GARIN5B: variants seen among roughly 807,000 people sequenced by gnomAD.
GARIN5B encodes Golgi-associated RAB2 interactor protein 5B.
the GARIN5B span, chr19:55,359,400 G>T: frequency 6.5e-7 from 1 of 1,549,986 alleles, no homozygotes; most frequent in Non-Finnish European, 8.7e-7. Flanking sequence ...GAGGCCTTTC[G>T]GGGAGAAGCT....
chr19:55,362,554 C>T, the GARIN5B span: 2 of 1,528,200 alleles, frequency 1.3e-6, no homozygotes, highest in Non-Finnish European at 1.8e-6. Context: ...GAGGGGGCGG[C>T]CGAGGGGTTG....
chr19:55,355,404 AC>A, the GARIN5B span: 1 of 1,527,448 alleles, frequency 6.5e-7, no homozygotes, highest in Non-Finnish European at 8.9e-7. Flanking sequence ...AGAGAGGGGT[AC>A]CCAGGGCTTT....
the GARIN5B span, among the ~76,000 whole-genome samples, chr19:55,355,757 G>T: frequency 6.6e-6 from 1 of 152,138 alleles, no homozygotes; most frequent in Non-Finnish European, 1.5e-5. Context: ...GGGCAGAGGC[G>T]GGAGGATTGC....
chr19:55,363,158 C>T, the GARIN5B span: 3 of 1,309,024 alleles, frequency 2.3e-6, no homozygotes, highest in Non-Finnish European at 3.0e-6. This position sits in a 1 kb window ranked among gnomAD's most constrained non-coding sequence, Gnocchi z 4.0. Flanking sequence ...ACCCGTGGGG[C>T]TTCACGGGTG....
chr19:55,362,318 G>T, the GARIN5B span: 2 of 1,550,468 alleles, frequency 1.3e-6, no homozygotes, highest in Non-Finnish European at 1.7e-6. Flanking sequence ...GGTCCTGGGG[G>T]TCCAGGTGGG....
the GARIN5B span, chr19:55,358,303 C>T: frequency 6.5e-7 from 1 of 1,548,662 alleles, no homozygotes; most frequent in East Asian, 2.4e-5. Flanking sequence ...TCATGGGCTC[C>T]TGCGACACCC....
chr19:55,358,105 G>A, the GARIN5B span: 1 of 1,415,880 alleles, frequency 7.1e-7, no homozygotes, highest in Non-Finnish European at 9.3e-7. Context: ...CTCATAAACA[G>A]CAGAGCTCAC....
At chr19:55,361,182 T>G in the GARIN5B span, 1 of 1,551,392 alleles carries the variant, frequency 6.4e-7, no homozygotes, top group Non-Finnish European at 8.7e-7. Flanking sequence ...ACCTTGGCCT[T>G]CCTCTGTCTC....
the GARIN5B span, chr19:55,358,661 G>A: frequency 7.1e-6 from 11 of 1,551,300 alleles, no homozygotes; most frequent in South Asian, 4.8e-5. Flanking sequence ...GGGCACTGAA[G>A]CCATCATTGA....
chr19:55,361,304 G>T, the GARIN5B span: 2,158 of 1,541,312 alleles, frequency 1.4e-3, 38 homozygotes, highest in African/African-American at 0.027. Flanking sequence ...TACCCCAGGA[G>T]CTTGTGGAGG....
chr19:55,359,860 G>A, the GARIN5B span: 28 of 1,551,544 alleles, frequency 1.8e-5, no homozygotes, highest in Admixed American at 4.3e-4. Flanking sequence ...ACAGGCACGG[G>A]TCCAGGGAGC....
At chr19:55,360,798 G>C in the GARIN5B span, 23 of 1,551,358 alleles carry the variant, frequency 1.5e-5, no homozygotes, top group African/African-American at 2.7e-5. Flanking sequence ...TGAGCCCTTT[G>C]GGGCAGGAAC....
chr19:55,355,370 A>T, the GARIN5B span: 1 of 1,549,906 alleles, frequency 6.5e-7, no homozygotes, highest in Admixed American at 2.0e-5. Context: ...CAAGCCAGAG[A>T]GAGCTTTGGG....
At chr19:55,360,918 T>A in the GARIN5B span, 1 of 1,542,638 alleles carries the variant, frequency 6.5e-7, no homozygotes, top group Non-Finnish European at 8.8e-7. Context: ...GCAGGAGCAA[T>A]ACCGTGGGAC....
chr19:55,361,019 T>C, the GARIN5B span: 1 of 1,550,972 alleles, frequency 6.4e-7, no homozygotes, highest in East Asian at 2.4e-5. Flanking sequence ...GCAGGTTTCT[T>C]CCTGACGTCA....
the GARIN5B span, chr19:55,358,328 G>T: frequency 1.3e-6 from 2 of 1,536,296 alleles, no homozygotes; most frequent in Non-Finnish European, 1.8e-6. Context: ...GGGCTGCTGG[G>T]ACGCCCTGGC....
At chr19:55,354,920 T>G in the GARIN5B span, 1 of 220,786 alleles carries the variant, frequency 4.5e-6, no homozygotes, top group Non-Finnish European at 9.0e-6. Flanking sequence ...AGTCTCAGGC[T>G]CAAGCTTTAA....
the GARIN5B span, chr19:55,360,113 G>C: frequency 1.7e-6 from 1 of 601,542 alleles, no homozygotes; most frequent in Non-Finnish European, 2.9e-6. Context: ...TCAGACTCAG[G>C]AGTCCAGGCC....
chr19:55,355,304 G>A, the GARIN5B span: 1 of 1,549,018 alleles, frequency 6.5e-7, no homozygotes. Flanking sequence ...CTGAGGTTAA[G>A]CCCCCGCATC....
Sources: gnomAD v4.1 joint callset for allele counts (sites outside exome capture counted in the v4.1 genomes callset) on GRCh38, gnomAD v4.1.1 for gene constraint, Gnocchi (gnomAD v3.1) non-coding constraint, MANE v1.5 for transcripts, NCBI Gene and HGNC (gene_info 2026-07-23, HGNC 2026-07-21) for gene names.